The following RPTOR variants were observed in gnomAD, a reference collection of about 807,000 sequenced individuals.
RPTOR encodes regulatory associated protein of MTOR complex 1, also known as regulatory-associated protein of mTOR.
A neutral mutation model predicts 169.9 loss-of-function variants in RPTOR; 21 were observed. That is an observed-to-expected ratio of 0.12 (90% confidence interval 0.09 to 0.18). The LOEUF (loss-of-function observed/expected upper bound fraction) is 0.18, where lower values mean the gene tolerates loss of function less well. Among genes scored for constraint, RPTOR ranks in the 10% least tolerant of loss-of-function variants. The pLI is 1.00. For missense variants in RPTOR, 1,133 were observed against 1,855.9 expected, an observed-to-expected ratio of 0.61 and a Z score of 7.16; for synonymous variants, 732 against 753.2, an observed-to-expected ratio of 0.97 and a Z score of 0.46.
intron 2 of RPTOR, among the ~76,000 whole-genome samples, chr17:80,635,895 G>A (rs1048846401): frequency 1.3e-5 from 2 of 152,054 alleles, no homozygotes; most frequent in Admixed American, 1.3e-4. Flanking sequence ...CTCAGTGATG[G>A]GTTTGCTCTG....
chr17:80,940,483 T>C lies in RPTOR; in HGVS notation c.2920-13T>C. The stretch of plus-strand genomic sequence containing the variant: ...CATCGCTGGGCTTAACTGGGTGTTT[T>C]CTGTTGTTGAAGATCCCAGAAGAGC... On this transcript the variant is annotated splice_polypyrimidine_tract_variant and intron_variant, in intron 24 of 33. Coordinates refer to ENST00000306801, the MANE Select transcript of RPTOR (RefSeq NM_020761.3). The C allele has an allele frequency of 6.2e-7, 1 of 1,610,960 alleles. No homozygotes were observed. The highest frequency in any genetic ancestry group is 1.7e-5 in the Admixed American group (1 of 59,772).
intron 28 of RPTOR, among the ~76,000 whole-genome samples, chr17:80,955,510 T>C (rs1159332582): frequency 2.0e-5 from 3 of 152,094 alleles, no homozygotes; most frequent in African/African-American, 7.2e-5. Flanking sequence ...AAAAGACAGA[T>C]TGAACAAGAG....
chr17:80,654,367 C>T (rs750665906), intron 3 of RPTOR, among the ~76,000 whole-genome samples: 34 of 152,260 alleles, frequency 2.2e-4, no homozygotes, highest in Non-Finnish European at 4.7e-4. Context: ...GGGTGCTCCC[C>T]TCGGTGGGCT....
intron 6 of RPTOR, among the ~76,000 whole-genome samples, chr17:80,764,780 A>G (rs2066770279): frequency 6.6e-6 from 1 of 152,160 alleles, no homozygotes; most frequent in African/African-American, 2.4e-5. Context: ...TCCCACCAAC[A>G]GTGTAAAAGT....
At chr17:80,588,253 C>T (rs1384855693) in intron 1 of RPTOR, among the ~76,000 whole-genome samples, 1 of 151,386 alleles carries the variant, frequency 6.6e-6, no homozygotes, top group Non-Finnish European at 1.5e-5. Flanking sequence ...ACCTCCGCCT[C>T]TCGGGGTCAG....
At chr17:80,714,009 G>A (rs2066218917) in intron 4 of RPTOR, among the ~76,000 whole-genome samples, 1 of 151,964 alleles carries the variant, frequency 6.6e-6, no homozygotes, top group Admixed American at 6.6e-5. Context: ...CGTGATCTCG[G>A]CTCACTGCAA....
intron 3 of RPTOR, among the ~76,000 whole-genome samples, chr17:80,672,405 C>T (rs1382314036): frequency 6.8e-6 from 1 of 146,764 alleles, no homozygotes; most frequent in Admixed American, 6.8e-5. Context: ...CCTCATTGTC[C>T]AAGATGGCTG....
intron 4 of RPTOR, among the ~76,000 whole-genome samples, chr17:80,710,567 T>TTG (rs1249250528): frequency 0.058 from 6,389 of 110,584 alleles, 202 homozygotes; most frequent in African/African-American, 0.11. Flanking sequence ...CCTTGGTTAT[T>TTG]TGTATGTGTG....
intron 1 of RPTOR, among the ~76,000 whole-genome samples, chr17:80,561,242 TATATATATG>T (rs2084485252): frequency 2.6e-3 from 14 of 5,420 alleles, no homozygotes; most frequent in African/African-American, 2.7e-3. Context: ...GGCTAATTTA[TATATATATG>T]TATATATATA....
At chr17:80,768,164 G>A (rs985515203) in intron 6 of RPTOR, among the ~76,000 whole-genome samples, 2 of 152,134 alleles carry the variant, frequency 1.3e-5, no homozygotes, top group African/African-American at 2.4e-5. Context: ...GCCTGACCAC[G>A]TGAATTTTTT....
chr17:80,718,514 C>G (rs1182610665), intron 4 of RPTOR, among the ~76,000 whole-genome samples: 1 of 152,128 alleles, frequency 6.6e-6, no homozygotes, highest in African/African-American at 2.4e-5. Context: ...ATATTGGCCC[C>G]TTCAGAGAGA....
intron 3 of RPTOR, among the ~76,000 whole-genome samples, chr17:80,686,710 C>T (rs1430247254): frequency 6.6e-6 from 1 of 152,068 alleles, no homozygotes; most frequent in Middle Eastern, 3.2e-3. Flanking sequence ...TCAAGCACTC[C>T]ACTAAATATG....
chr17:80,809,482 C>T (rs1422504268), intron 7 of RPTOR, among the ~76,000 whole-genome samples: 1 of 152,216 alleles, frequency 6.6e-6, no homozygotes, highest in Non-Finnish European at 1.5e-5. Context: ...TGAGCTACCG[C>T]GTCCGGCCAT....
intron 6 of RPTOR, among the ~76,000 whole-genome samples, chr17:80,791,156 A>G (rs184236240): frequency 2.6e-3 from 389 of 152,334 alleles, no homozygotes; most frequent in Middle Eastern, 6.8e-3. Flanking sequence ...ACTGAGCTTT[A>G]TTAAGCATCT....
chr17:80,956,282 G>T (rs1033114462), intron 28 of RPTOR, among the ~76,000 whole-genome samples: 2 of 152,110 alleles, frequency 1.3e-5, no homozygotes, highest in Non-Finnish European at 2.9e-5. Flanking sequence ...CTGAGTGGTG[G>T]GTACAAGGAT....
At chr17:80,776,970 G>A (rs2066897509) in intron 6 of RPTOR, among the ~76,000 whole-genome samples, 1 of 152,076 alleles carries the variant, frequency 6.6e-6, no homozygotes, top group Admixed American at 6.6e-5. Flanking sequence ...CGGGCGTGGT[G>A]GCTCACGCCT....
intron 7 of RPTOR, among the ~76,000 whole-genome samples, chr17:80,817,744 C>G (rs1358979561): frequency 6.6e-6 from 1 of 152,122 alleles, no homozygotes; most frequent in Non-Finnish European, 1.5e-5. Context: ...CACAGCAGCT[C>G]TTGTTGAGTG....
intron 7 of RPTOR, among the ~76,000 whole-genome samples, chr17:80,796,487 A>G (rs2067102625): frequency 6.6e-6 from 1 of 152,242 alleles, no homozygotes. Flanking sequence ...AGAGCACACC[A>G]GGGAAGGGGA....
At chr17:80,607,838 A>G (rs771682790) in intron 1 of RPTOR, among the ~76,000 whole-genome samples, 90 of 152,070 alleles carry the variant, frequency 5.9e-4, no homozygotes, top group Non-Finnish European at 1.0e-3. Flanking sequence ...CCCGTACTGA[A>G]GGTAAAAATA....
Sources: gnomAD v4.1 joint callset for allele counts (sites outside exome capture counted in the v4.1 genomes callset) on GRCh38, gnomAD v4.1.1 for gene constraint, MANE v1.5 for transcripts, NCBI Gene and HGNC (gene_info 2026-07-23, HGNC 2026-07-21) for gene names.